MDGA2: variants seen among roughly 807,000 people sequenced by gnomAD.
The protein encoded by MDGA2 is MAM domain-containing glycosylphosphatidylinositol anchor protein 2.
A neutral mutation model predicts 117.8 loss-of-function variants in MDGA2; 40 were observed. The ratio of observed to expected loss-of-function variants is 0.34; its 90% CI spans 0.26 to 0.44. MDGA2 has a LOEUF of 0.44. Among genes scored for constraint, MDGA2 ranks in the 20% least tolerant of loss-of-function variants. The pLI is 1.00. For missense variants in MDGA2, 1,123 were observed against 1,250.6 expected (o/e 0.90, Z 1.54); for synonymous variants, 452 against 439.0 (o/e 1.03, Z -0.37).
chr14:47,294,413 T>A (rs72682160), intron 2 of MDGA2, among the ~76,000 whole-genome samples: 13,850 of 152,062 alleles, frequency 0.091, 767 homozygotes, highest in Non-Finnish European at 0.11. Context: ...GGAATTTTTT[T>A]AAAAATAAAT....
chr14:47,335,049 T>G (rs892603835), intron 1 of MDGA2, among the ~76,000 whole-genome samples: 2 of 151,904 alleles, frequency 1.3e-5, no homozygotes, highest in Non-Finnish European at 2.9e-5. Flanking sequence ...ACCAACAGCA[T>G]GCACTTTATG....
chr14:46,951,874 T>C (rs1212951250), intron 9 of MDGA2, among the ~76,000 whole-genome samples: 1 of 151,990 alleles, frequency 6.6e-6, no homozygotes, highest in East Asian at 1.9e-4. Context: ...TGACTTTGTA[T>C]AATGTAATTC....
At chr14:47,435,179 C>G (rs1470197619) in intron 1 of MDGA2, among the ~76,000 whole-genome samples, 1 of 152,020 alleles carries the variant, frequency 6.6e-6, no homozygotes, top group Non-Finnish European at 1.5e-5. Context: ...CAATATACAA[C>G]TTCACTTTAT....
intron 10 of MDGA2, among the ~76,000 whole-genome samples, chr14:46,918,977 T>C (rs1412766427): frequency 2.0e-5 from 3 of 152,084 alleles, no homozygotes; most frequent in African/African-American, 4.8e-5. Context: ...TTAGCCAGGA[T>C]GGTCTCAATC....
At chr14:47,606,930 C>G (rs562685225) in intron 1 of MDGA2, among the ~76,000 whole-genome samples, 3 of 152,204 alleles carry the variant, frequency 2.0e-5, no homozygotes, top group African/African-American at 7.2e-5. Context: ...AAAGTTACAA[C>G]ATTAGGATGC....
chr14:47,054,489 C>T (rs894964330), intron 7 of MDGA2, among the ~76,000 whole-genome samples: 12 of 139,898 alleles, frequency 8.6e-5, no homozygotes, highest in African/African-American at 3.2e-4. Flanking sequence ...CAACAGTCCC[C>T]GGTGTGTGAT....
At chr14:47,515,321 G>A (rs1265868734) in intron 1 of MDGA2, among the ~76,000 whole-genome samples, 2 of 152,060 alleles carry the variant, frequency 1.3e-5, no homozygotes, top group Non-Finnish European at 2.9e-5. Flanking sequence ...CTCTCCATTT[G>A]GTTACCACTA....
intron 1 of MDGA2, among the ~76,000 whole-genome samples, chr14:47,614,095 CTTTTTTTTT>C (rs768294746): frequency 9.8e-6 from 1 of 101,706 alleles, no homozygotes; most frequent in East Asian, 2.8e-4. Context: ...TTTCTTTTTT[CTTTTTTTTT>C]TTTTTTTTGA....
chr14:46,898,668 G>A (rs2138438858), intron 10 of MDGA2, among the ~76,000 whole-genome samples: 1 of 152,086 alleles, frequency 6.6e-6, no homozygotes, highest in East Asian at 1.9e-4. Context: ...ATTGTGTGTT[G>A]GCTCCTTTAA....
intron 5 of MDGA2, among the ~76,000 whole-genome samples, chr14:47,112,494 A>T (rs1458835013): frequency 6.6e-6 from 1 of 152,100 alleles, no homozygotes; most frequent in Non-Finnish European, 1.5e-5. Flanking sequence ...AAGAACATGC[A>T]GTATTTGGTT....
chr14:47,616,148 T>C (rs1896945395), intron 1 of MDGA2, among the ~76,000 whole-genome samples: 1 of 152,180 alleles, frequency 6.6e-6, no homozygotes, highest in Non-Finnish European at 1.5e-5. Flanking sequence ...ACTCTGAATT[T>C]TGAAGCAGAC....
At chr14:46,911,092 CA>C (rs1883683398) in intron 10 of MDGA2, among the ~76,000 whole-genome samples, 1 of 152,088 alleles carries the variant, frequency 6.6e-6, no homozygotes, top group African/African-American at 2.4e-5. Flanking sequence ...AACAAACCCC[CA>C]TGAAACAAGT....
intron 8 of MDGA2, among the ~76,000 whole-genome samples, chr14:47,029,602 T>G (rs1888589059): frequency 6.6e-6 from 1 of 152,146 alleles, no homozygotes; most frequent in Non-Finnish European, 1.5e-5. Flanking sequence ...TCCAGTTAAT[T>G]TTCAAGGAAG....
chr14:46,864,646 C>T (rs1258583252), intron 14 of MDGA2, among the ~76,000 whole-genome samples: 1 of 139,172 alleles, frequency 7.2e-6, no homozygotes, highest in Non-Finnish European at 1.5e-5. Context: ...TGAATGTCTT[C>T]CATCTATAGC....
At chr14:47,646,395 A>G (rs987737175) in intron 1 of MDGA2, among the ~76,000 whole-genome samples, 2 of 152,072 alleles carry the variant, frequency 1.3e-5, no homozygotes, top group African/African-American at 4.8e-5. Flanking sequence ...TATATATTAT[A>G]CATATAATTC....
chr14:47,228,843 A>T (rs909832824), intron 2 of MDGA2, among the ~76,000 whole-genome samples: 2 of 152,070 alleles, frequency 1.3e-5, no homozygotes, highest in African/African-American at 4.8e-5. Flanking sequence ...AATTATGACA[A>T]CTCTTGTGAA....
intron 10 of MDGA2, among the ~76,000 whole-genome samples, chr14:46,907,471 C>G (rs1437389297): frequency 6.6e-6 from 1 of 152,054 alleles, no homozygotes; most frequent in African/African-American, 2.4e-5. Context: ...GAATTTAGAC[C>G]TCTATTGTTC....
At chr14:47,193,780 A>G (rs1885195574) in intron 3 of MDGA2, among the ~76,000 whole-genome samples, 1 of 152,304 alleles carries the variant, frequency 6.6e-6, no homozygotes, top group Middle Eastern at 3.4e-3. Flanking sequence ...TGCTTTTCAG[A>G]GGCGTCCTTC....
In MDGA2 at chr14:46,859,445, T is replaced by C. The variant is rs559514704; in HGVS notation, c.2753-4291A>G. Among the ~76,000 whole-genome samples, 195 of 152,312 alleles carry C rather than the reference T, an allele frequency of 1.3e-3. 1 individual carries two copies. Among genetic ancestry groups the C allele is most frequent in the African/African-American group, 4.6e-3 (190 of 41,566 alleles). Reference sequence around the variant, plus strand: ...CCCTGCATATCTTTTTTCTTTCTGTTACCCTGACCCACAGATTCCAATGAC... The same window carrying C: ...CCCTGCATATCTTTTTTCTTTCTGTCACCCTGACCCACAGATTCCAATGAC... On this transcript the variant is annotated intron_variant, in intron 14 of 16. Transcript: ENST00000399232.
Sources: gnomAD v4.1 joint callset for allele counts (sites outside exome capture counted in the v4.1 genomes callset) on GRCh38, gnomAD v4.1.1 for gene constraint, MANE v1.5 for transcripts, NCBI Gene and HGNC (gene_info 2026-07-23, HGNC 2026-07-21) for gene names.